The following PTPRZ1 variants were observed in gnomAD, a reference collection of about 807,000 sequenced individuals.
PTPRZ1 encodes receptor-type tyrosine-protein phosphatase zeta.
Under a neutral mutation model 214.1 loss-of-function variants are expected in PTPRZ1, and 82 were observed. The ratio of observed to expected loss-of-function variants is 0.38; its 90% CI spans 0.32 to 0.46. The LOEUF is 0.46. Among genes scored for constraint, PTPRZ1 ranks in the 20% least tolerant of loss-of-function variants. The pLI, the probability that PTPRZ1 is intolerant of heterozygous loss-of-function variation, is 1.00. For missense variants in PTPRZ1, 2,603 were observed against 2,748.7 expected, an observed-to-expected ratio of 0.95 and a Z score of 1.19; for synonymous variants, 945 against 987.9, an observed-to-expected ratio of 0.96 and a Z score of 0.81.
rs777223716 is a variant in PTPRZ1, at chr7:122,012,036, C to T, written c.2990C>T (p.Ser997Phe). ...GCCCTCTCTGGTGATGGGGAATGGT[C>T]TGGAGCCTCTTCTGATAGTGAATTT... ...THALSGDGEW[S>F]GASSDSEFLL... is the part of the protein sequence containing the mutation. The change falls in exon 12 of 30, where the codon TCT becomes TTT. Residue 997 changes from serine (S) to phenylalanine (F), a missense_variant. Ser to Phe is a radical substitution (Grantham distance 155). This residue lies in a region of PTPRZ1 where 1,913 missense variants were observed against 1,914.3 expected (regional missense o/e 1.00). Coordinates refer to ENST00000393386, the MANE Select transcript of PTPRZ1 (RefSeq NM_002851.3). The T allele has an allele frequency of 1.9e-6, 3 of 1,614,226 alleles. No individual in the cohort carries two copies. The highest frequency in any genetic ancestry group is 2.5e-6 in the Non-Finnish European group (3 of 1,180,040).
intron 2 of PTPRZ1, among the ~76,000 whole-genome samples, chr7:121,964,957 C>T (rs1457605418): frequency 1.3e-5 from 2 of 152,056 alleles, no homozygotes; most frequent in Admixed American, 6.5e-5. Context: ...AGGACATGAG[C>T]GGGGACATCA....
rs1792577438 is a variant in PTPRZ1, at chr7:122,061,512, G to C, written c.*292G>C. 1 of 191,916 alleles carries C rather than the reference G, an allele frequency of 5.2e-6. No individual in the cohort carries two copies. 11.9% of individuals were successfully genotyped at this position (191,916 alleles called of 1,614,324 possible). A position where few individuals can be genotyped will look rare whatever the true frequency, so the allele number is the denominator to read the frequency against. On this transcript the variant is annotated 3_prime_UTR_variant, in exon 30 of 30. Transcript: ENST00000393386. ...TTTTAACAGAAAATTTCAATTTATA[G>C]AGGTTAGGAATTCCAAACTACAGAA...
At chr7:121,885,819 G>T (rs566874891) in intron 1 of PTPRZ1, among the ~76,000 whole-genome samples, 22 of 152,120 alleles carry the variant, frequency 1.4e-4, no homozygotes, top group Non-Finnish European at 2.9e-4. Flanking sequence ...AATTTGGAGA[G>T]GGAAGAAAAC....
At position 122,049,744 on chromosome 7, in the gene PTPRZ1, G is replaced by A. The variant is rs187487538; in HGVS notation, c.6085-1684G>A. 1.1e-4 allele frequency among the ~76,000 whole-genome samples: 16 copies of A among 152,124 alleles called. No homozygotes were observed. In the East Asian group the frequency reaches 3.1e-3, roughly 29 times the overall value. ...TATAGAAGTCAATGCAGTATCAATC[G>A]AATTTATGGCAGGATTTTTCATGGA... On this transcript the variant is annotated intron_variant, in intron 23 of 29. Coordinates refer to ENST00000393386, the MANE Select transcript of PTPRZ1 (RefSeq NM_002851.3).
At chr7:121,892,075 G>A (rs1402953467) in intron 1 of PTPRZ1, among the ~76,000 whole-genome samples, 1 of 151,982 alleles carries the variant, frequency 6.6e-6, no homozygotes. Context: ...AAAATTATTT[G>A]TATTTTTTAT....
chr7:121,882,746 G>T (rs1225673370), intron 1 of PTPRZ1, among the ~76,000 whole-genome samples: 2 of 152,126 alleles, frequency 1.3e-5, no homozygotes, highest in Admixed American at 1.3e-4. Context: ...AGGAAGCTTG[G>T]TTAAAAGCCT....
chr7:121,938,109 G>A (rs1295193116), intron 2 of PTPRZ1, among the ~76,000 whole-genome samples: 1 of 151,746 alleles, frequency 6.6e-6, no homozygotes, highest in African/African-American at 2.4e-5. Context: ...TACTCTTAAT[G>A]TCTTCTGTTG....
rs139045246 is a variant in PTPRZ1 at position 121,967,982 on chromosome 7, A to G, written c.156A>G (p.Lys52=). 1.9e-6 allele frequency: 3 copies of G among 1,589,002 alleles called. No homozygotes were observed. The highest frequency in any genetic ancestry group is 2.6e-6 in the Non-Finnish European group (3 of 1,162,350). The change falls in exon 3 of 30, where the codon AAA becomes AAG. Residue 52 remains lysine, a synonymous_variant. Coordinates refer to ENST00000393386, the MANE Select transcript of PTPRZ1 (RefSeq NM_002851.3). ...GALNQKNWGK[K]YPTCNSPKQS... The stretch of plus-strand genomic sequence containing the variant: ...TGAATCAAAAAAATTGGGGAAAGAA[A>G]TATCCAACATGTAATAGCCCAAAAC...
intron 15 of PTPRZ1, among the ~76,000 whole-genome samples, chr7:122,032,646 C>T (rs1799417009): frequency 6.6e-6 from 1 of 152,108 alleles, no homozygotes. Context: ...CTTCCCAGGA[C>T]TCACACCCAT....
chr7:121,927,767 A>G (rs1795806962), intron 1 of PTPRZ1, among the ~76,000 whole-genome samples: 1 of 152,212 alleles, frequency 6.6e-6, no homozygotes, highest in Admixed American at 6.5e-5. Context: ...GTAAACATAA[A>G]GGTATCTTTA....
At chr7:121,899,320 A>G (rs965568265) in intron 1 of PTPRZ1, among the ~76,000 whole-genome samples, 2 of 152,168 alleles carry the variant, frequency 1.3e-5, no homozygotes, top group Admixed American at 6.6e-5. Context: ...ACTTGCAAGT[A>G]TATTCATATG....
intron 2 of PTPRZ1, among the ~76,000 whole-genome samples, chr7:121,965,512 A>T (rs1166869629): frequency 1.3e-5 from 2 of 152,210 alleles, no homozygotes; most frequent in Non-Finnish European, 2.9e-5. Context: ...CTCCAAAACT[A>T]GCAAGGAAAT....
At chr7:122,039,028 A>T in intron 19 of PTPRZ1, 139 bp downstream of exon 19, 2 of 904,150 alleles carry the variant, frequency 2.2e-6, no homozygotes, top group Non-Finnish European at 3.4e-6. Context: ...ATGACAGCTA[A>T]AGGGAAACTG....
At chr7:121,919,668 AT>A (rs1045638066) in intron 1 of PTPRZ1, among the ~76,000 whole-genome samples, 4 of 151,926 alleles carry the variant, frequency 2.6e-5, no homozygotes, top group Non-Finnish European at 2.9e-5. Context: ...GTACAATTTA[AT>A]TTTTTTCACA....
At chr7:121,935,631 C>G (rs1347176759) in intron 2 of PTPRZ1, among the ~76,000 whole-genome samples, 1 of 152,084 alleles carries the variant, frequency 6.6e-6, no homozygotes, top group African/African-American at 2.4e-5. Flanking sequence ...GTGGCGCAAT[C>G]TCGGCTTGCT....
intron 2 of PTPRZ1, among the ~76,000 whole-genome samples, chr7:121,930,962 C>T (rs913230327): frequency 6.6e-6 from 1 of 152,012 alleles, no homozygotes; most frequent in African/African-American, 2.4e-5. Context: ...CCTTAGTTTT[C>T]CTGGAAAATA....
In PTPRZ1 at chr7:121,967,870, T is replaced by A. The variant is rs533390680; in HGVS notation, c.125-81T>A. 6 of 958,322 alleles carry A rather than the reference T, an allele frequency of 6.3e-6. No individual in the cohort carries two copies. The East Asian group carries it at 8.0e-5, about 13-fold the overall frequency. The allele number at this position is 958,322 out of a possible 1,614,324, so 59.4% of individuals were successfully genotyped here. A position where few individuals can be genotyped will look rare whatever the true frequency, so the allele number is the denominator to read the frequency against. On this transcript the variant is annotated intron_variant, in intron 2 of 29. Coordinates refer to ENST00000393386, the MANE Select transcript of PTPRZ1 (RefSeq NM_002851.3). Reference sequence around the variant, plus strand: ...TTCTACTATTGCATCTATTTTTATGTAATGTATTAACTATAATGTAAAGTT... The same window carrying A: ...TTCTACTATTGCATCTATTTTTATGAAATGTATTAACTATAATGTAAAGTT...
chr7:122,032,576 A>C (rs1368360135), intron 15 of PTPRZ1, among the ~76,000 whole-genome samples: 2 of 152,094 alleles, frequency 1.3e-5, no homozygotes, highest in African/African-American at 4.8e-5. Flanking sequence ...TTTGAGCTGT[A>C]AGCCTAATCA....
intron 13 of PTPRZ1, among the ~76,000 whole-genome samples, chr7:122,019,659 G>A (rs1294247743): frequency 6.6e-6 from 1 of 152,038 alleles, no homozygotes; most frequent in Non-Finnish European, 1.5e-5. Flanking sequence ...AGAAGAGTTT[G>A]TACAAGATGT....
Sources: allele counts gnomAD v4.1 joint callset (sites outside exome capture counted in the v4.1 genomes callset), GRCh38; gene constraint gnomAD v4.1.1; regional missense constraint gnomAD v4.1.1; transcripts MANE v1.5; gene names NCBI Gene and HGNC (gene_info 2026-07-23, HGNC 2026-07-21).